The following CPEB2 variants were observed in gnomAD, a reference collection of about 807,000 sequenced individuals.
CPEB2 encodes the protein cytoplasmic polyadenylation element-binding protein 2.
In CPEB2, 56 loss-of-function variants were observed where a neutral mutation model predicts 93.6. That is an observed-to-expected ratio of 0.60 (90% CI 0.48 to 0.75). CPEB2 has a LOEUF of 0.75. CPEB2 is among the 30% of genes least tolerant of loss of function. The pLI, the probability that CPEB2 is intolerant of heterozygous loss-of-function variation, is 0.00. For missense variants in CPEB2, 1,579 were observed against 1,395.1 expected (o/e 1.13, Z -2.10); for synonymous variants, 764 against 586.3 (o/e 1.30, Z -4.38).
rs560468327 is a variant in CPEB2 at position 15,003,254 on chromosome 4, A to AGCCGCCGCC, written c.588_596dup (p.Pro199_Pro201dup). On this transcript the variant is annotated inframe_insertion, in exon 1 of 12. Coordinates refer to ENST00000538197, the MANE Select transcript of CPEB2 (RefSeq NM_001177382.2). Reference sequence around the variant, plus strand: ...CACCTTCCCCACCCTCCGGACTCGAAGCCGCCGCCGCCGCCTCCGCCGCTC... The same window carrying AGCCGCCGCC: ...CACCTTCCCCACCCTCCGGACTCGAAGCCGCCGCCGCCGCCGCCGCCGCCTCCGCCGCTC... 4.7e-5 allele frequency: 71 copies of AGCCGCCGCC among 1,521,068 alleles called. No homozygotes were observed. In the African/African-American group the frequency reaches 6.5e-4, roughly 14 times the overall value. 94.2% of individuals were successfully genotyped at this position (1,521,068 alleles called of 1,614,324 possible). A position where few individuals can be genotyped will look rare whatever the true frequency, so the allele number is the denominator to read the frequency against.
At chr4:15,033,137 C>T (rs1442489751) in intron 4 of CPEB2, 24 bp from the exon 5 acceptor site, 3 of 1,566,686 alleles carry the variant, frequency 1.9e-6, no homozygotes, top group Non-Finnish European at 2.6e-6. Context: ...AATCTTCAAA[C>T]TCACCTTTCC....
At chr4:15,018,992 A>G (rs1724516743) in intron 4 of CPEB2, among the ~76,000 whole-genome samples, 1 of 148,540 alleles carries the variant, frequency 6.7e-6, no homozygotes, top group Non-Finnish European at 1.5e-5. Context: ...ACACACGCAT[A>G]TATAGATATA....
At position 15,060,619 on chromosome 4, in the gene CPEB2, G is replaced by A. The variant is rs554360667; in HGVS notation, c.2695+1318G>A. 2.3e-3 allele frequency among the ~76,000 whole-genome samples: 347 copies of A among 152,228 alleles called. 2 individuals are homozygous for A. Among genetic ancestry groups the A allele is most frequent in the African/African-American group, 7.8e-3 (326 of 41,556 alleles). On this transcript the variant is annotated intron_variant, in intron 10 of 11. Transcript: ENST00000538197. ...TGGAAGGAAAACTGGAGAAGGAGCA[G>A]ATAGGGAGGGAAGATTGTGGTCTTG...
At chr4:15,020,390 C>T (rs1339907285) in intron 4 of CPEB2, among the ~76,000 whole-genome samples, 1 of 151,900 alleles carries the variant, frequency 6.6e-6, no homozygotes, top group Admixed American at 6.6e-5. Flanking sequence ...GTGAGACTGT[C>T]AATTGGAAGA....
intron 5 of CPEB2, 27 bp from the exon 6 acceptor site, chr4:15,040,437 T>C: frequency 6.5e-7 from 1 of 1,534,832 alleles, no homozygotes; most frequent in East Asian, 2.4e-5. Flanking sequence ...TCTGACATTT[T>C]ACAATTTGTG....
At chr4:15,013,311 ATAGT>A (rs767742653) in intron 3 of CPEB2, among the ~76,000 whole-genome samples, 39 of 152,096 alleles carry the variant, frequency 2.6e-4, no homozygotes, top group South Asian at 8.3e-4. Flanking sequence ...TGTTTGCCAG[ATAGT>A]TTTTATATTT....
intron 6 of CPEB2, among the ~76,000 whole-genome samples, chr4:15,048,831 A>G (rs1727958758): frequency 6.6e-6 from 1 of 152,046 alleles, no homozygotes; most frequent in Admixed American, 6.5e-5. Context: ...CTTAGAAAGC[A>G]TGTTTAAAGT....
intron 1 of CPEB2, among the ~76,000 whole-genome samples, chr4:15,005,995 C>T (rs28520420): frequency 0.099 from 15,007 of 152,122 alleles, 1,533 homozygotes; most frequent in African/African-American, 0.25. Context: ...CCATATTTAA[C>T]TGTAATTTGC....
In CPEB2 at chr4:15,066,440, C is replaced by A; in HGVS notation, c.*60C>A. On this transcript the variant is annotated 3_prime_UTR_variant, in exon 12 of 12. Coordinates refer to ENST00000538197, the MANE Select transcript of CPEB2 (RefSeq NM_001177382.2). The stretch of plus-strand genomic sequence containing the variant: ...AAAGGGTGCATGTGGCTTACTGTGT[C>A]TGAAGATACTGACATGCAGAAGAAA... The A allele has an allele frequency of 1.7e-6, 2 of 1,164,328 alleles. No homozygotes were observed. The highest frequency in any genetic ancestry group is 2.5e-6 in the Non-Finnish European group (2 of 796,270). 72.1% of individuals were successfully genotyped at this position (1,164,328 alleles called of 1,614,324 possible).
At chr4:15,031,501 C>G (rs181202576) in intron 4 of CPEB2, among the ~76,000 whole-genome samples, 88 of 152,320 alleles carry the variant, frequency 5.8e-4, no homozygotes, top group African/African-American at 2.1e-3. Flanking sequence ...CTATTTCTCA[C>G]TCATACCAAG....
chr4:15,011,896 A>G (rs1723540305), intron 3 of CPEB2, among the ~76,000 whole-genome samples: 4 of 152,192 alleles, frequency 2.6e-5, no homozygotes, highest in Admixed American at 2.6e-4. Context: ...CACAAGCTCT[A>G]CTTGCAGTGC....
chr4:15,035,094 T>G (rs1370935117), intron 5 of CPEB2, among the ~76,000 whole-genome samples: 3 of 152,222 alleles, frequency 2.0e-5, no homozygotes, highest in African/African-American at 7.2e-5. Context: ...ATTACACATT[T>G]AACTCACTTT....
chr4:15,064,060 A>C (rs781411809), intron 11 of CPEB2, among the ~76,000 whole-genome samples: 2 of 152,118 alleles, frequency 1.3e-5, no homozygotes, highest in Admixed American at 6.6e-5. Flanking sequence ...GCCAACCCAG[A>C]GATACACGGG....
intron 4 of CPEB2, among the ~76,000 whole-genome samples, chr4:15,027,870 T>A (rs558131202): frequency 3.1e-4 from 47 of 152,178 alleles, no homozygotes; most frequent in Non-Finnish European, 6.8e-4. Flanking sequence ...AAGAGGTAGA[T>A]ATTTACCCTT....
intron 6 of CPEB2, among the ~76,000 whole-genome samples, chr4:15,049,546 G>C (rs1728026790): frequency 6.6e-6 from 1 of 152,032 alleles, no homozygotes; most frequent in Non-Finnish European, 1.5e-5. Context: ...AGTTTGACCA[G>C]TTATTCACAA....
chr4:15,043,447 G>A (rs919160873), intron 6 of CPEB2, among the ~76,000 whole-genome samples: 1 of 152,052 alleles, frequency 6.6e-6, no homozygotes, highest in Admixed American at 6.5e-5. Context: ...GAAGGAAAAC[G>A]GTTCATATGG....
chr4:15,003,426 G>C lies in CPEB2; in HGVS notation c.753G>C (p.Pro251=). The change falls in exon 1 of 12, where the codon CCG becomes CCC. Residue 251 remains proline, a synonymous_variant. Coordinates refer to ENST00000538197, the MANE Select transcript of CPEB2 (RefSeq NM_001177382.2). The part of the protein sequence containing the change: ...QQHLSPQDFA[P]RQRPADLPPL... ...ACCTCTCGCCGCAGGACTTCGCCCC[G>C]CGGCAGCGTCCGGCAGACCTGCCCC... is the stretch of plus-strand genomic sequence containing the variant. 2 of 1,355,778 alleles carry C rather than the reference G, an allele frequency of 1.5e-6. No homozygotes were observed. The highest frequency in any genetic ancestry group is 1.9e-6 in the Non-Finnish European group (2 of 1,064,484). The allele number at this position is 1,355,778 out of a possible 1,614,324, so 84.0% of individuals were successfully genotyped here.
At position 15,003,458 on chromosome 4, in the gene CPEB2, C is replaced by T; in HGVS notation, c.785C>T (p.Pro262Leu). Residue 262 changes from proline (P) to leucine (L), a missense_variant, in exon 1 of 12, where the codon CCG (proline) becomes CTG (leucine). Pro to Leu is a moderately conservative substitution (Grantham distance 98, BLOSUM62 -3). Around this residue, in one of 2 missense-constraint regions of CPEB2, gnomAD observed 1,411 missense variants for 1,056.0 expected, o/e 1.34. Transcript: ENST00000538197. Reference protein sequence around the residue: ...RQRPADLPPLPQLPPSPPAAP... With the variant: ...RQRPADLPPLLQLPPSPPAAP... ...CGTCCGGCAGACCTGCCCCCGCTCC[C>T]GCAGCTCCCTCCCTCGCCGCCTGCA... 3.6e-6 allele frequency: 5 copies of T among 1,375,146 alleles called. No homozygotes were observed. Among genetic ancestry groups the T allele is most frequent in the Non-Finnish European group, 4.7e-6 (5 of 1,072,468 alleles). The allele number at this position is 1,375,146 out of a possible 1,614,324, so 85.2% of individuals were successfully genotyped here.
intron 7 of CPEB2, among the ~76,000 whole-genome samples, chr4:15,052,901 G>A (rs1728360700): frequency 6.6e-6 from 1 of 151,846 alleles, no homozygotes; most frequent in East Asian, 1.9e-4. Context: ...AAAACTTAAA[G>A]CTTTTTGTAT....
Sources: gnomAD v4.1 joint callset for allele counts (sites outside exome capture counted in the v4.1 genomes callset) on GRCh38, gnomAD v4.1.1 for gene constraint, gnomAD v4.1.1 regional missense constraint, MANE v1.5 for transcripts, NCBI Gene and HGNC (gene_info 2026-07-23, HGNC 2026-07-21) for gene names.